Variants in LRMDA observed in about 807,000 individuals in gnomAD.
LRMDA encodes leucine-rich melanocyte differentiation-associated protein.
Under a neutral mutation model 29.8 loss-of-function variants are expected in LRMDA, and 18 were observed. The ratio of observed to expected loss-of-function variants is 0.60; its 90% CI spans 0.42 to 0.90. The LOEUF (loss-of-function observed/expected upper bound fraction) is 0.90. Ranked by LOEUF, LRMDA falls within the 40% of genes least tolerant of loss-of-function variation. The probability of loss-of-function intolerance (pLI) is 0.00; values close to 1 mark genes in which losing one functional copy is unlikely to be tolerated. For synonymous variants in LRMDA, 125 were observed against 109.4 expected, an observed-to-expected ratio of 1.14 and a Z score of -0.89; for missense variants, 273 against 273.9, an observed-to-expected ratio of 1.00 and a Z score of 0.02.
chr10:76,003,187 G>A (rs563074783), intron 2 of LRMDA, among the ~76,000 whole-genome samples: 167 of 152,122 alleles, frequency 1.1e-3, no homozygotes, highest in Non-Finnish European at 2.0e-3. Flanking sequence ...GAATTGGTGG[G>A]CAGTGATATG....
chr10:76,502,438 A>C (rs1842919677), intron 6 of LRMDA, among the ~76,000 whole-genome samples: 1 of 152,040 alleles, frequency 6.6e-6, no homozygotes, highest in East Asian at 1.9e-4. Flanking sequence ...TGAATCTATA[A>C]ATTTCTTTGG....
intron 2 of LRMDA, among the ~76,000 whole-genome samples, chr10:75,503,924 A>C (rs1242866893): frequency 6.6e-6 from 1 of 152,176 alleles, no homozygotes; most frequent in Non-Finnish European, 1.5e-5. Flanking sequence ...CATACCAGAT[A>C]ATAAGGGGTA....
rs75127083 is a variant in LRMDA at position 76,389,984 on chromosome 10, C to T, written c.601+65499C>T. 4.5e-3 allele frequency among the ~76,000 whole-genome samples: 690 copies of T among 152,008 alleles called. 4 individuals are homozygous for T. The highest frequency in any genetic ancestry group is 0.016 in the African/African-American group (661 of 41,432). The stretch of plus-strand genomic sequence containing the variant: ...AGATAAATCTTTGAGACCTTGTTTC[C>T]GATTCTTCTGAGTATATATACAGAT... On this transcript the variant is annotated intron_variant, in intron 6 of 6. Coordinates refer to ENST00000611255, the MANE Select transcript of LRMDA (RefSeq NM_001305581.2).
chr10:75,533,673 C>T (rs1385540655), intron 2 of LRMDA, among the ~76,000 whole-genome samples: 1 of 152,148 alleles, frequency 6.6e-6, no homozygotes, highest in African/African-American at 2.4e-5. Flanking sequence ...AGCTTATTCT[C>T]TGGTGTCTTG....
chr10:75,806,197 AC>A (rs1453161570), intron 2 of LRMDA, among the ~76,000 whole-genome samples: 1 of 152,132 alleles, frequency 6.6e-6, no homozygotes, highest in Non-Finnish European at 1.5e-5. Flanking sequence ...CACGCCTATG[AC>A]CCAAACACCT....
intron 2 of LRMDA, among the ~76,000 whole-genome samples, chr10:75,477,147 C>T (rs1055306005): frequency 7.2e-5 from 11 of 152,158 alleles, no homozygotes; most frequent in African/African-American, 2.7e-4. Context: ...TATACCATCA[C>T]CTAGCTAATT....
intron 5 of LRMDA, among the ~76,000 whole-genome samples, chr10:76,233,515 C>G (rs11816899): frequency 6.6e-6 from 1 of 152,116 alleles, no homozygotes. Context: ...GATTGACTCA[C>G]GAAAGATTTC....
intron 2 of LRMDA, among the ~76,000 whole-genome samples, chr10:75,588,821 A>T (rs1354694367): frequency 1.3e-5 from 2 of 152,186 alleles, no homozygotes; most frequent in African/African-American, 4.8e-5. Flanking sequence ...AAGCAAGCAT[A>T]TTAAATATAG....
intron 2 of LRMDA, among the ~76,000 whole-genome samples, chr10:75,732,499 G>GAAGTCAATT (rs1399042106): frequency 6.6e-6 from 1 of 152,178 alleles, no homozygotes; most frequent in Non-Finnish European, 1.5e-5. Context: ...TAATGAATTG[G>GAAGTCAATT]AAGTCAATTG....
intron 5 of LRMDA, among the ~76,000 whole-genome samples, chr10:76,101,584 GA>G (rs1849395098): frequency 6.6e-6 from 1 of 152,010 alleles, no homozygotes; most frequent in South Asian, 2.1e-4. Flanking sequence ...TAAAAACACA[GA>G]ATTAGCCAGG....
At chr10:76,325,254 A>C (rs1840819798) in intron 6 of LRMDA, among the ~76,000 whole-genome samples, 1 of 152,152 alleles carries the variant, frequency 6.6e-6, no homozygotes, top group South Asian at 2.1e-4. Context: ...AAAGTAGTGA[A>C]TCTGACCCTC....
intron 2 of LRMDA, among the ~76,000 whole-genome samples, chr10:75,817,707 G>A (rs1211093045): frequency 6.6e-6 from 1 of 152,180 alleles, no homozygotes; most frequent in African/African-American, 2.4e-5. Context: ...GAAGCTAAAG[G>A]AAAATAAGCG....
At chr10:76,021,256 C>G (rs764691575) in intron 2 of LRMDA, among the ~76,000 whole-genome samples, 1 of 152,164 alleles carries the variant, frequency 6.6e-6, no homozygotes, top group African/African-American at 2.4e-5. Flanking sequence ...TGGGCTCTAC[C>G]TTGACCCGTA....
chr10:76,540,556 A>G (rs1328017692), intron 6 of LRMDA, among the ~76,000 whole-genome samples: 1 of 152,160 alleles, frequency 6.6e-6, no homozygotes, highest in Non-Finnish European at 1.5e-5. Flanking sequence ...AACCCACCCC[A>G]TCGTCGGTGG....
At chr10:76,225,717 TTTA>T (rs201676685) in intron 5 of LRMDA, among the ~76,000 whole-genome samples, 1,514 of 148,256 alleles carry the variant, frequency 0.01, 25 homozygotes, top group African/African-American at 0.031. Flanking sequence ...TATTTATTTA[TTTA>T]TTATTATATA....
chr10:75,875,497 G>GCA (rs1845181625), intron 2 of LRMDA, among the ~76,000 whole-genome samples: 1 of 152,068 alleles, frequency 6.6e-6, no homozygotes, highest in African/African-American at 2.4e-5. Context: ...GCAATGGCAT[G>GCA]ATCTTGGCTC....
chr10:75,885,520 A>G (rs775906363), intron 2 of LRMDA, among the ~76,000 whole-genome samples: 2 of 152,232 alleles, frequency 1.3e-5, no homozygotes, highest in Non-Finnish European at 2.9e-5. Flanking sequence ...CTCCTGGTGT[A>G]GCTGACAATG....
chr10:75,623,680 C>T (rs1412313005), intron 2 of LRMDA, among the ~76,000 whole-genome samples: 2 of 152,076 alleles, frequency 1.3e-5, no homozygotes, highest in African/African-American at 2.4e-5. Context: ...GGAAAAATAC[C>T]ACCACGGAAG....
chr10:76,113,372 A>C (rs926650225), intron 5 of LRMDA, among the ~76,000 whole-genome samples: 48 of 151,538 alleles, frequency 3.2e-4, no homozygotes, highest in African/African-American at 1.1e-3. Flanking sequence ...ACCTCTAGAG[A>C]CTTTTTTTTT....
Sources: gnomAD v4.1 joint callset for allele counts (sites outside exome capture counted in the v4.1 genomes callset) on GRCh38, gnomAD v4.1.1 for gene constraint, MANE v1.5 for transcripts, NCBI Gene and HGNC (gene_info 2026-07-23, HGNC 2026-07-21) for gene names.